Variants in CDKAL1 observed in about 807,000 individuals in gnomAD.
CDKAL1 encodes the protein threonylcarbamoyladenosine tRNA methylthiotransferase.
Under a neutral mutation model 68.2 loss-of-function variants are expected in CDKAL1, and 32 were observed. The ratio of observed to expected loss-of-function variants is 0.47; its 90% CI spans 0.35 to 0.63. CDKAL1 has a LOEUF of 0.63. CDKAL1 is among the 30% of genes least tolerant of loss of function. CDKAL1 has a pLI of 0.00. For synonymous variants in CDKAL1, 234 were observed against 244.3 expected, an observed-to-expected ratio of 0.96 and a Z score of 0.39; for missense variants, 606 against 696.7, an observed-to-expected ratio of 0.87 and a Z score of 1.47.
intron 15 of CDKAL1, among the ~76,000 whole-genome samples, chr6:21,204,506 G>A (rs1306722014): frequency 6.6e-6 from 1 of 152,046 alleles, no homozygotes; most frequent in Non-Finnish European, 1.5e-5. Flanking sequence ...AATTGTTATT[G>A]GCTAAATACT....
intron 9 of CDKAL1, among the ~76,000 whole-genome samples, chr6:20,866,847 A>G (rs984404270): frequency 2.0e-5 from 3 of 152,210 alleles, no homozygotes; most frequent in African/African-American, 7.2e-5. Context: ...TTGGTTCCCA[A>G]TGCAGATTAC....
At chr6:21,006,592 T>G (rs1262346554) in intron 11 of CDKAL1, among the ~76,000 whole-genome samples, 5 of 152,284 alleles carry the variant, frequency 3.3e-5, no homozygotes. Context: ...AGAACTTTTC[T>G]AATGAATACA....
intron 13 of CDKAL1, among the ~76,000 whole-genome samples, chr6:21,181,218 T>C (rs1777777396): frequency 6.6e-6 from 1 of 152,214 alleles, no homozygotes; most frequent in South Asian, 2.1e-4. Context: ...TATGACCGAA[T>C]CACCACTTAA....
intron 13 of CDKAL1, among the ~76,000 whole-genome samples, chr6:21,187,012 C>G (rs1016847089): frequency 2.6e-5 from 4 of 152,048 alleles, no homozygotes; most frequent in African/African-American, 9.7e-5. Flanking sequence ...ATCATTTCAG[C>G]CTGTATTCAG....
intron 13 of CDKAL1, among the ~76,000 whole-genome samples, chr6:21,152,862 G>A (rs1776477027): frequency 6.6e-6 from 1 of 152,198 alleles, no homozygotes; most frequent in African/African-American, 2.4e-5. Context: ...CAAGGAAGGA[G>A]TACCAAACAC....
At chr6:20,541,015 C>G (rs929430359) in intron 2 of CDKAL1, among the ~76,000 whole-genome samples, 1 of 152,126 alleles carries the variant, frequency 6.6e-6, no homozygotes, top group Admixed American at 6.5e-5. Context: ...GAGACTGGAG[C>G]TAGGAGAGTG....
intron 13 of CDKAL1, among the ~76,000 whole-genome samples, chr6:21,121,788 A>G (rs1394314814): frequency 6.6e-6 from 1 of 152,190 alleles, no homozygotes; most frequent in Non-Finnish European, 1.5e-5. Flanking sequence ...TTTTTCCCCA[A>G]CACCAAAGCA....
chr6:20,638,703 C>A (rs1393012031), intron 4 of CDKAL1, among the ~76,000 whole-genome samples: 1 of 151,650 alleles, frequency 6.6e-6, no homozygotes, highest in Non-Finnish European at 1.5e-5. Flanking sequence ...CCTCCAACTC[C>A]CTGGTTCAAG....
intron 9 of CDKAL1, among the ~76,000 whole-genome samples, chr6:20,894,498 G>C (rs1160710645): frequency 6.8e-6 from 1 of 147,250 alleles, no homozygotes. Context: ...CAGGTTTTAA[G>C]TGTAAGCTGC....
At chr6:21,137,094 GGGA>G (rs1250710431) in intron 13 of CDKAL1, among the ~76,000 whole-genome samples, 1 of 151,706 alleles carries the variant, frequency 6.6e-6, no homozygotes, top group East Asian at 1.9e-4. Context: ...AGGAACTATT[GGGA>G]GGAGAAGGGG....
At chr6:21,220,300 A>G (rs12203389) in intron 15 of CDKAL1, among the ~76,000 whole-genome samples, 53,182 of 152,058 alleles carry the variant, frequency 0.35, 9,591 homozygotes, top group East Asian at 0.52. Flanking sequence ...AAGTTCTAGA[A>G]TAATTTCCAA....
In CDKAL1 at chr6:21,069,770, C is replaced by CTTTTT. The variant is rs1771654458; in HGVS notation, c.1236+4545_1236+4546insTTTTT. The stretch of plus-strand genomic sequence containing the variant: ...TGCCCAATAAAATCCCCCAGATTTT[C>CTTTTT]TTTCTTTTTTTTTTTTTTTTTTTTT... On this transcript the variant is annotated intron_variant, in intron 12 of 15. Coordinates refer to ENST00000274695, the MANE Select transcript of CDKAL1 (RefSeq NM_017774.3). Among the ~76,000 whole-genome samples the CTTTTT allele has an allele frequency of 4.3e-4, 18 of 42,250 alleles. 6 individuals are homozygous for CTTTTT. Among genetic ancestry groups the CTTTTT allele is most frequent in the African/African-American group, 8.6e-4 (15 of 17,416 alleles). 27.7% of individuals were successfully genotyped at this position (42,250 alleles called of 152,430 possible).
chr6:20,756,742 A>C (rs1245836523), intron 6 of CDKAL1: 3 of 152,184 alleles, frequency 2.0e-5, no homozygotes, highest in African/African-American at 7.2e-5. Flanking sequence ...CTGCTCTCAC[A>C]AGCCTTTCCT....
intron 13 of CDKAL1, among the ~76,000 whole-genome samples, chr6:21,150,522 G>A (rs1776366567): frequency 6.6e-6 from 1 of 152,200 alleles, no homozygotes; most frequent in Non-Finnish European, 1.5e-5. Context: ...TTGGGGCAAT[G>A]AAGGCAAATA....
At chr6:20,874,424 C>T (rs1348516384) in intron 9 of CDKAL1, among the ~76,000 whole-genome samples, 1 of 152,058 alleles carries the variant, frequency 6.6e-6, no homozygotes, top group Non-Finnish European at 1.5e-5. Context: ...CTGCCTCAGC[C>T]TTCCAAGTAG....
At chr6:20,879,179 T>G (rs1045340487) in intron 9 of CDKAL1, among the ~76,000 whole-genome samples, 5 of 152,202 alleles carry the variant, frequency 3.3e-5, no homozygotes, top group African/African-American at 1.2e-4. Flanking sequence ...TCCCTAGGAC[T>G]GATGTACAGG....
At chr6:21,224,600 G>A (rs933003098) in intron 15 of CDKAL1, among the ~76,000 whole-genome samples, 2 of 152,154 alleles carry the variant, frequency 1.3e-5, no homozygotes, top group Non-Finnish European at 2.9e-5. Context: ...CACAGGCCAA[G>A]AGATGTAGGC....
chr6:21,163,149 A>C (rs901848958), intron 13 of CDKAL1, among the ~76,000 whole-genome samples: 1 of 152,148 alleles, frequency 6.6e-6, no homozygotes, highest in Non-Finnish European at 1.5e-5. Flanking sequence ...AACGCTAGCA[A>C]ATGCCCGTTT....
At chr6:20,792,448 A>T (rs866438081) in intron 8 of CDKAL1, among the ~76,000 whole-genome samples, 1 of 152,162 alleles carries the variant, frequency 6.6e-6, no homozygotes, top group Non-Finnish European at 1.5e-5. Context: ...GTGAGATCAT[A>T]TAGGTTTACA....
Sources: gnomAD v4.1 joint callset for allele counts (sites outside exome capture counted in the v4.1 genomes callset) on GRCh38, gnomAD v4.1.1 for gene constraint, MANE v1.5 for transcripts, NCBI Gene and HGNC (gene_info 2026-07-23, HGNC 2026-07-21) for gene names.